Variants in KCNQ1 observed in about 807,000 individuals in gnomAD.
The protein encoded by KCNQ1 is potassium voltage-gated channel subfamily Q member 1.
KCNQ1 carries 49 observed loss-of-function variants against 72.4 expected under a neutral mutation model. The ratio of observed to expected loss-of-function variants is 0.68; its 90% confidence interval spans 0.54 to 0.86. The LOEUF (loss-of-function observed/expected upper bound fraction) is 0.86, where lower values mean the gene tolerates loss of function less well. Among genes scored for constraint, KCNQ1 ranks in the 40% least tolerant of loss-of-function variants. The pLI is 0.00. For synonymous variants in KCNQ1, 450 were observed against 412.6 expected, an observed-to-expected ratio of 1.09 and a Z score of -1.10; for missense variants, 790 against 945.1, an observed-to-expected ratio of 0.84 and a Z score of 2.15.
intron 15 of KCNQ1, among the ~76,000 whole-genome samples, chr11:2,820,784 C>T (rs1181059068): frequency 1.3e-5 from 2 of 152,214 alleles, no homozygotes; most frequent in Non-Finnish European, 2.9e-5. Context: ...TTTGAGTCTG[C>T]GTGGCTTCCG....
chr11:2,598,487 A>G lies in KCNQ1; in HGVS notation c.1393+9633A>G, dbSNP rs975175420. 2.0e-5 allele frequency among the ~76,000 whole-genome samples: 3 copies of G among 152,150 alleles called. No individual in the cohort carries two copies. The highest frequency in any genetic ancestry group is 7.2e-5 in the African/African-American group (3 of 41,430). The stretch of plus-strand genomic sequence containing the variant: ...AAATGCTCCACAGACCTCAGAAAAT[A>G]TCTTCTGTATTTGTATAACACAAAG... On this transcript the variant is annotated intron_variant, in intron 10 of 15. Transcript: ENST00000155840. This position sits in a 1 kb window ranked among gnomAD's most constrained non-coding sequence, Gnocchi z 6.2.
intron 10 of KCNQ1, among the ~76,000 whole-genome samples, chr11:2,606,880 ATAT>A (rs919370681): frequency 2.8e-5 from 4 of 144,736 alleles, no homozygotes; most frequent in African/African-American, 7.7e-5. Flanking sequence ...GTTAAGTATG[ATAT>A]TATCTGTGAT....
At position 2,445,427 on chromosome 11, in the gene KCNQ1, T is replaced by C. The variant is rs1354778092; in HGVS notation, c.329T>C (p.Val110Ala). 6.3e-7 allele frequency: 1 copy of C among 1,597,754 alleles called. No individual in the cohort carries two copies. The highest frequency in any genetic ancestry group is 8.5e-7 in the Non-Finnish European group (1 of 1,179,682). The change falls in exon 1 of 16, where the codon GTC (valine) becomes GCC (alanine). Residue 110 changes from valine to alanine, a missense_variant. By Grantham distance (64) the Val-to-Ala change is moderately conservative (BLOSUM62 0). Transcript: ENST00000155840. ...VLARTHVQGR[V>A]YNFLERPTGW... ...GCGCGCACCCACGTCCAGGGCCGCG[T>C]CTACAACTTCCTCGAGCGTCCCACC...
chr11:2,792,139 G>A (rs1295838131), intron 15 of KCNQ1, among the ~76,000 whole-genome samples: 1 of 152,168 alleles, frequency 6.6e-6, no homozygotes, highest in Non-Finnish European at 1.5e-5. Context: ...ACCCCTGCAG[G>A]CCCGGCGTCC....
At position 2,647,791 on chromosome 11, in the gene KCNQ1, T is replaced by C. The variant is rs1590003538; in HGVS notation, c.1394-14170T>C. The C allele has an allele frequency of 5.0e-6, 2 of 398,564 alleles. No individual in the cohort carries two copies. The highest frequency in any genetic ancestry group is 7.1e-5 in the East Asian group (2 of 28,066). 24.7% of individuals were successfully genotyped at this position (398,564 alleles called of 1,614,324 possible). ...CTAATTGTTGACATATAGTTGTTCA[T>C]AATGGTCTCTAATAATCTTTTGTAT... On this transcript the variant is annotated intron_variant, in intron 10 of 15. Coordinates refer to ENST00000155840, the MANE Select transcript of KCNQ1 (RefSeq NM_000218.3). The surrounding 1 kb of genome is among the most constrained non-coding windows in gnomAD (Gnocchi z 4.0).
At chr11:2,797,800 GC>G (rs1847168957) in intron 15 of KCNQ1, among the ~76,000 whole-genome samples, 1 of 152,018 alleles carries the variant, frequency 6.6e-6, no homozygotes. Context: ...TGACCACATG[GC>G]CTTCGGCACC....
In KCNQ1 at chr11:2,766,301, C is replaced by T. The variant is rs561111816; in HGVS notation, c.1515-2543C>T. ...CCAGTTGGGTGGTCTCACTTGGATT[C>T]GATGACATGGCAGTACTTGCATGGT... On this transcript the variant is annotated intron_variant, in intron 11 of 15. Coordinates refer to ENST00000155840, the MANE Select transcript of KCNQ1 (RefSeq NM_000218.3). The surrounding 1 kb of genome is among the most constrained non-coding windows in gnomAD (Gnocchi z 4.4). Among the ~76,000 whole-genome samples the T allele has an allele frequency of 1.2e-4, 18 of 152,176 alleles. No homozygotes were observed. The highest frequency in any genetic ancestry group is 1.8e-4 in the Non-Finnish European group (12 of 68,036).
rs12293360 is a variant in KCNQ1 at position 2,587,969 on chromosome 11, A to G, written c.1251+277A>G. On this transcript the variant is annotated intron_variant, in intron 9 of 15. Coordinates refer to ENST00000155840, the MANE Select transcript of KCNQ1 (RefSeq NM_000218.3). ...TCTGGGAGCAGGACGGGCTGGAAAGAAGGCTCTTCAGAGGGCCTCAGGGTT... is the reference window on the plus strand; with the variant it reads ...TCTGGGAGCAGGACGGGCTGGAAAGGAGGCTCTTCAGAGGGCCTCAGGGTT... 0.015 allele frequency among the ~76,000 whole-genome samples: 2,252 copies of G among 152,206 alleles called. 54 individuals are homozygous for G. The highest frequency in any genetic ancestry group is 0.047 in the African/African-American group (1,934 of 41,516).
rs1232653139 is a variant in KCNQ1 at position 2,541,870 on chromosome 11, T to G, written c.477+13852T>G. Among the ~76,000 whole-genome samples, 2 of 152,148 alleles carry G rather than the reference T, an allele frequency of 1.3e-5. No homozygotes were observed. The highest frequency in any genetic ancestry group is 2.9e-5 in the Non-Finnish European group (2 of 68,034). On this transcript the variant is annotated intron_variant, in intron 2 of 15. Transcript: ENST00000155840. The surrounding 1 kb of genome is among the most constrained non-coding windows in gnomAD (Gnocchi z 4.8). ...GAGGCCCAGGTCCTGTGGCTGGTCC[T>G]CGCATAGACATCAGCTAAGGGGGTT...
In KCNQ1 at chr11:2,744,518, G is replaced by A. The variant is rs1027125294; in HGVS notation, c.1515-24326G>A. On this transcript the variant is annotated intron_variant, in intron 11 of 15. Transcript: ENST00000155840. ...ACGCAGAGCCGGCACATGAGGTGGC[G>A]TTCCCTCACTCTCTCATTCATTCAT... 7.2e-5 allele frequency among the ~76,000 whole-genome samples: 11 copies of A among 152,330 alleles called. No homozygotes were observed. The East Asian group carries it at 9.7e-4, about 13-fold the overall frequency.
rs1339940088 is a variant in KCNQ1 at position 2,809,204 on chromosome 11, T to C, written c.1794+31167T>C. Among the ~76,000 whole-genome samples the C allele has an allele frequency of 1.3e-5, 2 of 152,194 alleles. No individual in the cohort carries two copies. The highest frequency in any genetic ancestry group is 1.3e-4 in the Admixed American group (2 of 15,276). Reference sequence around the variant, plus strand: ...TTTGAATTGTTGATTTTTTTCTTTTTTTAAGAAGAAACCAAAGTAAAACAG... The same window carrying C: ...TTTGAATTGTTGATTTTTTTCTTTTCTTAAGAAGAAACCAAAGTAAAACAG... On this transcript the variant is annotated intron_variant, in intron 15 of 15. Coordinates refer to ENST00000155840, the MANE Select transcript of KCNQ1 (RefSeq NM_000218.3). This position sits in a 1 kb window ranked among gnomAD's most constrained non-coding sequence, Gnocchi z 7.1.
Position 2,723,898 on chromosome 11 carries a change from G to A in KCNQ1, c.1515-44946G>A, listed in dbSNP as rs547472117. On this transcript the variant is annotated intron_variant, in intron 11 of 15. Transcript: ENST00000155840. The surrounding 1 kb of genome is among the most constrained non-coding windows in gnomAD (Gnocchi z 4.2). ...GGACCTCGGGACGAGGAAGTCACAC[G>A]TTGGGGGATGTGCCGCAGGGATGGG... is the stretch of plus-strand genomic sequence containing the variant. Among the ~76,000 whole-genome samples the A allele has an allele frequency of 4.9e-4, 75 of 152,328 alleles. No homozygotes were observed. The highest frequency in any genetic ancestry group is 1.7e-3 in the African/African-American group (71 of 41,578).
intron 11 of KCNQ1, among the ~76,000 whole-genome samples, chr11:2,721,795 G>A (rs905426053): frequency 7.2e-5 from 11 of 152,314 alleles, no homozygotes; most frequent in South Asian, 4.1e-4. Flanking sequence ...GAGGCTGACC[G>A]AGCCTCCGAG....
chr11:2,692,498 T>C (rs1289079919), intron 11 of KCNQ1: 2 of 398,652 alleles, frequency 5.0e-6, no homozygotes, highest in Non-Finnish European at 8.8e-6. Context: ...GCTTGGCTTC[T>C]TTCCATCCCA....
At position 2,562,060 on chromosome 11, in the gene KCNQ1, C is replaced by T. The variant is rs1024330526; in HGVS notation, c.478-8568C>T. Among the ~76,000 whole-genome samples, 1 of 152,168 alleles carries T rather than the reference C, an allele frequency of 6.6e-6. No homozygotes were observed. The highest frequency in any genetic ancestry group is 1.5e-5 in the Non-Finnish European group (1 of 68,006). ...CTGTGGCAGGGCAGGGTCATGTCCC[C>T]AGCAGTAAGGCCAGGACAGGGCAGC... is the stretch of plus-strand genomic sequence containing the variant. On this transcript the variant is annotated intron_variant, in intron 2 of 15. Transcript: ENST00000155840. This position sits in a 1 kb window ranked among gnomAD's most constrained non-coding sequence, Gnocchi z 7.5.
intron 15 of KCNQ1, among the ~76,000 whole-genome samples, chr11:2,794,255 G>A (rs1044234060): frequency 6.6e-6 from 1 of 152,230 alleles, no homozygotes; most frequent in African/African-American, 2.4e-5. Flanking sequence ...CAGCCCCACC[G>A]ATGAGAACAA....
intron 15 of KCNQ1, among the ~76,000 whole-genome samples, chr11:2,792,808 C>T (rs944732016): frequency 6.6e-6 from 1 of 152,172 alleles, no homozygotes; most frequent in African/African-American, 2.4e-5. Flanking sequence ...ATGGCTTTGG[C>T]AGCATTGTTC....
In KCNQ1 at chr11:2,661,189, C is replaced by T. The variant is rs770029027; in HGVS notation, c.1394-772C>T. On this transcript the variant is annotated intron_variant, in intron 10 of 15. Coordinates refer to ENST00000155840, the MANE Select transcript of KCNQ1 (RefSeq NM_000218.3). The surrounding 1 kb of genome is among the most constrained non-coding windows in gnomAD (Gnocchi z 5.9). ...ACTGATGACCTTGGGGGAGGAAAGC[C>T]ATTGTGAATCTTTGAATTATTCCAC... is the stretch of plus-strand genomic sequence containing the variant. 4 of 398,414 alleles carry T rather than the reference C, an allele frequency of 1.0e-5. No individual in the cohort carries two copies. Among genetic ancestry groups the T allele is most frequent in the Non-Finnish European group, 1.8e-5 (4 of 226,094 alleles). 24.7% of individuals were successfully genotyped at this position (398,414 alleles called of 1,614,324 possible).
intron 3 of KCNQ1, 40 bp downstream of exon 3, chr11:2,570,794 C>G (rs762462001): frequency 5.6e-6 from 9 of 1,605,366 alleles, no homozygotes; most frequent in Non-Finnish European, 7.6e-6. Context: ...GCCCAGGTTT[C>G]CAGACCAGGA....
Sources: gnomAD v4.1 joint callset for allele counts (sites outside exome capture counted in the v4.1 genomes callset) on GRCh38, gnomAD v4.1.1 for gene constraint, Gnocchi (gnomAD v3.1) non-coding constraint, MANE v1.5 for transcripts, NCBI Gene and HGNC (gene_info 2026-07-23, HGNC 2026-07-21) for gene names.